Variants in MAGI1 observed in about 807,000 individuals in gnomAD.
The protein encoded by MAGI1 is membrane associated guanylate kinase, WW and PDZ domain containing 1.
MAGI1 carries 58 observed loss-of-function variants against 139.9 expected under a neutral mutation model. The ratio of observed to expected loss-of-function variants is 0.41; its 90% CI spans 0.34 to 0.52. The LOEUF (loss-of-function observed/expected upper bound fraction) is 0.52, where lower values mean the gene tolerates loss of function less well. MAGI1 is among the 20% of genes least tolerant of loss of function. MAGI1 has a pLI of 0.12. For synonymous variants in MAGI1, 812 were observed against 737.9 expected (o/e 1.10, Z -1.63); for missense variants, 1,874 against 1,901.6 (o/e 0.99, Z 0.27).
intron 1 of MAGI1, among the ~76,000 whole-genome samples, chr3:65,978,621 C>CTTTTTTT (rs373662388): frequency 2.2e-4 from 28 of 129,158 alleles, no homozygotes; most frequent in Middle Eastern, 4.0e-3. Context: ...CTCAAAATTT[C>CTTTTTTT]TTTTTTTTTT....
chr3:65,562,914 C>G (rs1227126595), intron 2 of MAGI1, among the ~76,000 whole-genome samples: 1 of 152,054 alleles, frequency 6.6e-6, no homozygotes, highest in East Asian at 1.9e-4. Context: ...TTTTTTGAAC[C>G]TAGGTTCCCT....
chr3:65,544,677 G>A lies in MAGI1; in HGVS notation c.431-51046C>T, dbSNP rs548694736. Reference sequence around the variant, plus strand: ...TGGACAATTTTCATGTTTTGTCTGTGTTAAGGCATGATTACCAGGGGTCTC... The same window carrying A: ...TGGACAATTTTCATGTTTTGTCTGTATTAAGGCATGATTACCAGGGGTCTC... On this transcript the variant is annotated intron_variant, in intron 2 of 22. Transcript: ENST00000402939. Among the ~76,000 whole-genome samples, 14 of 152,256 alleles carry A rather than the reference G, an allele frequency of 9.2e-5. No homozygotes were observed. The South Asian group carries it at 2.9e-3, about 32-fold the overall frequency.
intron 2 of MAGI1, among the ~76,000 whole-genome samples, chr3:65,555,495 A>C (rs952039179): frequency 6.6e-6 from 1 of 152,218 alleles, no homozygotes; most frequent in East Asian, 1.9e-4. Flanking sequence ...CCTGGTACGT[A>C]GCACATGCCT....
chr3:65,403,936 A>C (rs192729000), intron 12 of MAGI1, among the ~76,000 whole-genome samples: 266 of 152,360 alleles, frequency 1.7e-3, no homozygotes, highest in African/African-American at 6.0e-3. Flanking sequence ...AGCTAGGTTA[A>C]AAGGAATGAG....
chr3:65,499,894 A>G (rs1038561155), intron 2 of MAGI1, among the ~76,000 whole-genome samples: 1 of 152,212 alleles, frequency 6.6e-6, no homozygotes, highest in Non-Finnish European at 1.5e-5. Flanking sequence ...AACAACTCTC[A>G]TGCTCCAAAT....
chr3:65,562,898 T>G (rs772078216), intron 2 of MAGI1, among the ~76,000 whole-genome samples: 32 of 152,336 alleles, frequency 2.1e-4, no homozygotes, highest in Non-Finnish European at 4.3e-4. Flanking sequence ...TTAAAGTAGA[T>G]TAACTTTTTT....
intron 1 of MAGI1, among the ~76,000 whole-genome samples, chr3:66,034,971 T>C (rs1182149093): frequency 2.6e-5 from 4 of 152,196 alleles, no homozygotes; most frequent in African/African-American, 7.2e-5. Context: ...CTATCTTCAT[T>C]TGAGTGATTA....
chr3:65,558,625 T>C (rs1363662909), intron 2 of MAGI1, among the ~76,000 whole-genome samples: 3 of 152,148 alleles, frequency 2.0e-5, no homozygotes, highest in African/African-American at 7.2e-5. Context: ...AACCCATGAG[T>C]TTTAGCCAAC....
At chr3:65,389,526 G>C (rs1037914296) in intron 14 of MAGI1, among the ~76,000 whole-genome samples, 6 of 152,204 alleles carry the variant, frequency 3.9e-5, no homozygotes, top group African/African-American at 1.4e-4. Context: ...GACTGGACGA[G>C]CCACAAGCTC....
At chr3:65,548,230 G>A (rs1055068900) in intron 2 of MAGI1, among the ~76,000 whole-genome samples, 4 of 152,164 alleles carry the variant, frequency 2.6e-5, no homozygotes, top group African/African-American at 9.7e-5. Flanking sequence ...AGAGCCATGG[G>A]GTATTGGGGG....
At chr3:65,992,306 C>T (rs184057141) in intron 1 of MAGI1, among the ~76,000 whole-genome samples, 2 of 152,206 alleles carry the variant, frequency 1.3e-5, no homozygotes, top group Admixed American at 1.3e-4. Context: ...AGTGACTCAC[C>T]TATATCTTGA....
intron 2 of MAGI1, among the ~76,000 whole-genome samples, chr3:65,593,045 G>T (rs564569985): frequency 2.6e-5 from 4 of 151,978 alleles, no homozygotes; most frequent in Non-Finnish European, 5.9e-5. Context: ...CTCAATATAA[G>T]GTCACCTTCA....
chr3:65,602,063 T>C (rs777975711), intron 2 of MAGI1, among the ~76,000 whole-genome samples: 1 of 152,060 alleles, frequency 6.6e-6, no homozygotes, highest in Non-Finnish European at 1.5e-5. Context: ...ATGGCTATAA[T>C]CAAAAGGACA....
chr3:65,486,875 T>G (rs1433096974), intron 3 of MAGI1, among the ~76,000 whole-genome samples: 1 of 152,150 alleles, frequency 6.6e-6, no homozygotes, highest in Middle Eastern at 3.2e-3. Context: ...TATTTTTTAT[T>G]TTCACAAATG....
chr3:65,947,639 C>CG (rs1349810303), intron 1 of MAGI1, among the ~76,000 whole-genome samples: 2 of 152,084 alleles, frequency 1.3e-5, no homozygotes, highest in Non-Finnish European at 2.9e-5. Context: ...TTTTCTGAGA[C>CG]GGGGTCTCGG....
chr3:65,971,749 A>T (rs1157423801), intron 1 of MAGI1, among the ~76,000 whole-genome samples: 1 of 152,166 alleles, frequency 6.6e-6, no homozygotes, highest in Non-Finnish European at 1.5e-5. Flanking sequence ...AAGCCCTCCC[A>T]GCTTCCTGCC....
At chr3:65,718,631 C>T (rs1281381652) in intron 1 of MAGI1, 1 of 152,074 alleles carries the variant, frequency 6.6e-6, no homozygotes, top group Non-Finnish European at 1.5e-5. Context: ...TGAAAGATGA[C>T]AAAGATTTCA....
chr3:65,667,942 G>C (rs772464621), intron 1 of MAGI1, among the ~76,000 whole-genome samples: 17 of 152,290 alleles, frequency 1.1e-4, no homozygotes, highest in Middle Eastern at 3.4e-3. Context: ...TTTTCATCAA[G>C]TATAGCTACG....
At chr3:65,856,734 C>T (rs1271434757) in intron 1 of MAGI1, among the ~76,000 whole-genome samples, 4 of 152,178 alleles carry the variant, frequency 2.6e-5, no homozygotes, top group Non-Finnish European at 5.9e-5. Flanking sequence ...CATACTGATG[C>T]CTGGGACACT....
Sources: allele counts gnomAD v4.1 joint callset (sites outside exome capture counted in the v4.1 genomes callset), GRCh38; gene constraint gnomAD v4.1.1; transcripts MANE v1.5; gene names NCBI Gene and HGNC (gene_info 2026-07-23, HGNC 2026-07-21).